Variants in SGPP2 observed in about 807,000 individuals in gnomAD.
The protein encoded by SGPP2 is sphingosine 1-phosphate phosphohydrolase 2.
In SGPP2, 30 loss-of-function variants were observed where a neutral mutation model predicts 33.9. That is an observed-to-expected ratio of 0.89 (90% CI 0.66 to 1.20). The LOEUF is 1.20. Among genes scored for constraint, SGPP2 ranks in the 50% most tolerant of loss-of-function variants. SGPP2 has a pLI of 0.00. For missense variants in SGPP2, 458 were observed against 532.1 expected, an observed-to-expected ratio of 0.86 and a Z score of 1.37; for synonymous variants, 233 against 225.0, an observed-to-expected ratio of 1.04 and a Z score of -0.32.
chr2:222,475,449 A>G (rs946879709), intron 2 of SGPP2, among the ~76,000 whole-genome samples: 5 of 152,202 alleles, frequency 3.3e-5, no homozygotes, highest in Admixed American at 3.3e-4. Context: ...GTGGTATGAA[A>G]TGCATCCTCC....
At chr2:222,448,806 G>A (rs976683539) in intron 1 of SGPP2, among the ~76,000 whole-genome samples, 5 of 152,074 alleles carry the variant, frequency 3.3e-5, no homozygotes, top group South Asian at 2.1e-4. Context: ...TTATCTTCCC[G>A]TGTTACATGC....
chr2:222,524,673 AG>A (rs1253805786), intron 3 of SGPP2, among the ~76,000 whole-genome samples: 1 of 152,202 alleles, frequency 6.6e-6, no homozygotes, highest in Non-Finnish European at 1.5e-5. Context: ...TGTGGTCATG[AG>A]TCTTAAAGCC....
chr2:222,450,283 G>A (rs1172913282), intron 1 of SGPP2, among the ~76,000 whole-genome samples: 4 of 152,170 alleles, frequency 2.6e-5, no homozygotes, highest in Non-Finnish European at 5.9e-5. Flanking sequence ...TTTGCACCAA[G>A]CAGCTTAAAG....
At chr2:222,452,571 T>C in intron 1 of SGPP2, 4 of 1,202,316 alleles carry the variant, frequency 3.3e-6, no homozygotes, top group South Asian at 1.2e-5. Context: ...CTGTAGAGAT[T>C]CCTCTCCACA....
At chr2:222,428,650 C>A (rs933476705) in intron 1 of SGPP2, among the ~76,000 whole-genome samples, 2 of 152,046 alleles carry the variant, frequency 1.3e-5, no homozygotes, top group Admixed American at 6.5e-5. Flanking sequence ...CATTGGTGTG[C>A]TAAAGTACAA....
intron 2 of SGPP2, among the ~76,000 whole-genome samples, chr2:222,496,490 G>T (rs4673025): frequency 0.82 from 124,476 of 152,182 alleles, 52,792 homozygotes; most frequent in East Asian, 1. Context: ...CCTCGAGCTA[G>T]TCTTATACCT....
intron 2 of SGPP2, among the ~76,000 whole-genome samples, chr2:222,498,902 T>G (rs1013033360): frequency 3.3e-5 from 5 of 152,224 alleles, no homozygotes; most frequent in African/African-American, 1.2e-4. Context: ...TTAGAATGTT[T>G]GAAATGTACC....
chr2:222,430,387 A>G (rs1697135497), intron 1 of SGPP2, among the ~76,000 whole-genome samples: 1 of 152,198 alleles, frequency 6.6e-6, no homozygotes, highest in Non-Finnish European at 1.5e-5. Context: ...AATAGTTAAA[A>G]TGGTACATGT....
At chr2:222,430,103 A>G (rs1697129639) in intron 1 of SGPP2, among the ~76,000 whole-genome samples, 1 of 134,822 alleles carries the variant, frequency 7.4e-6, no homozygotes, top group Non-Finnish European at 1.6e-5. Context: ...AAAAAATACT[A>G]GAATAGAACG....
intron 2 of SGPP2, among the ~76,000 whole-genome samples, chr2:222,487,247 A>G (rs1214361044): frequency 6.6e-6 from 1 of 152,188 alleles, no homozygotes; most frequent in Admixed American, 6.5e-5. Flanking sequence ...GCCTCTATTT[A>G]TTTTACCTAG....
intron 1 of SGPP2, among the ~76,000 whole-genome samples, chr2:222,453,517 T>C (rs1697524948): frequency 6.6e-6 from 1 of 151,860 alleles, no homozygotes; most frequent in Admixed American, 6.6e-5. Context: ...CTGCCACCCC[T>C]AAGACAGCAA....
chr2:222,489,438 C>T (rs2106109144), intron 2 of SGPP2, among the ~76,000 whole-genome samples: 1 of 151,612 alleles, frequency 6.6e-6, no homozygotes, highest in Non-Finnish European at 1.5e-5. Flanking sequence ...GATCAGGGCT[C>T]ATTGACTTGG....
At position 222,560,971 on chromosome 2, in the gene SGPP2, G is replaced by GGA. The variant is rs1373875593; in HGVS notation, c.*2075_*2076dup. On this transcript the variant is annotated 3_prime_UTR_variant, in exon 5 of 5. Transcript: ENST00000321276. ...TACAAAAAAATTAGCCGGACGTGGT[G>GGA]GAGGGCGCCTGTAGTCCCAGCTACT... 2 of 152,202 alleles carry GGA rather than the reference G, an allele frequency of 1.3e-5. No homozygotes were observed. Among genetic ancestry groups the GGA allele is most frequent in the Non-Finnish European group, 2.9e-5 (2 of 68,088 alleles). The allele number at this position is 152,202 out of a possible 1,614,324, so 9.4% of individuals were successfully genotyped here.
intron 3 of SGPP2, among the ~76,000 whole-genome samples, chr2:222,522,641 A>C (rs1698702897): frequency 6.6e-6 from 1 of 152,122 alleles, no homozygotes; most frequent in Admixed American, 6.6e-5. Context: ...TTAATTTTAT[A>C]AGTGTTATCT....
chr2:222,528,865 C>A (rs1698798560), intron 4 of SGPP2, among the ~76,000 whole-genome samples: 1 of 152,236 alleles, frequency 6.6e-6, no homozygotes, highest in Non-Finnish European at 1.5e-5. Context: ...AATCATACCA[C>A]CTCAGCCTCC....
At chr2:222,478,267 T>TTGTGTGTGTGTGTG (rs113118208) in intron 2 of SGPP2, among the ~76,000 whole-genome samples, 84 of 141,590 alleles carry the variant, frequency 5.9e-4, no homozygotes, top group African/African-American at 2.0e-3. Flanking sequence ...GTGCATGCAT[T>TTGTGTGTGTGTGTG]TGTGTGTGTG....
intron 2 of SGPP2, among the ~76,000 whole-genome samples, chr2:222,493,560 T>A (rs1316658953): frequency 6.6e-6 from 1 of 152,184 alleles, no homozygotes; most frequent in African/African-American, 2.4e-5. Flanking sequence ...GGTCTCTCAC[T>A]CCTAGACTAC....
intron 4 of SGPP2, among the ~76,000 whole-genome samples, chr2:222,526,090 G>A (rs927464589): frequency 2.1e-4 from 32 of 152,204 alleles, no homozygotes; most frequent in African/African-American, 6.8e-4. Context: ...TCGAGGCCAG[G>A]CCTCAGAAGA....
chr2:222,501,601 C>T (rs561469969), intron 2 of SGPP2, among the ~76,000 whole-genome samples: 90 of 152,256 alleles, frequency 5.9e-4, no homozygotes, highest in African/African-American at 2.1e-3. Flanking sequence ...AATGGCAGAC[C>T]TGACCTCACC....
Sources: gnomAD v4.1 joint callset for allele counts (sites outside exome capture counted in the v4.1 genomes callset) on GRCh38, gnomAD v4.1.1 for gene constraint, MANE v1.5 for transcripts, NCBI Gene and HGNC (gene_info 2026-07-23, HGNC 2026-07-21) for gene names.